The following AGK variants were observed in gnomAD, a reference collection of about 807,000 sequenced individuals.
AGK encodes acylglycerol kinase, mitochondrial.
In AGK, 52 loss-of-function variants were observed where a neutral mutation model predicts 66.4. The ratio of observed to expected loss-of-function variants is 0.78; its 90% CI spans 0.63 to 0.99. The LOEUF (loss-of-function observed/expected upper bound fraction) is 0.99, where lower values mean the gene tolerates loss of function less well. AGK is among the 50% of genes least tolerant of loss of function. AGK has a pLI of 0.00. For synonymous variants in AGK, 182 were observed against 181.1 expected, an observed-to-expected ratio of 1.00 and a Z score of -0.04; for missense variants, 451 against 506.6, an observed-to-expected ratio of 0.89 and a Z score of 1.05.
At chr7:141,615,631 G>C in intron 8 of AGK, 66 bp downstream of exon 8, 2 of 1,247,542 alleles carry the variant, frequency 1.6e-6, no homozygotes, top group Non-Finnish European at 2.4e-6. Flanking sequence ...AAATTTATGT[G>C]TATGCTATAA....
At chr7:141,575,101 A>T (rs778047133) in intron 2 of AGK, among the ~76,000 whole-genome samples, 9 of 152,238 alleles carry the variant, frequency 5.9e-5, no homozygotes, top group Non-Finnish European at 1.0e-4. Context: ...ATAGTGATAA[A>T]TCATAAATTG....
chr7:141,618,328 G>A (rs1796750351), intron 8 of AGK, among the ~76,000 whole-genome samples: 1 of 152,128 alleles, frequency 6.6e-6, no homozygotes. Context: ...TGACATGCTG[G>A]CTCTGTCCTC....
intron 13 of AGK, among the ~76,000 whole-genome samples, chr7:141,643,675 A>G (rs889180362): frequency 3.3e-5 from 5 of 152,170 alleles, no homozygotes; most frequent in Admixed American, 3.3e-4. Flanking sequence ...AATAGCTTAT[A>G]TTTGCTGATT....
At position 141,615,457 on chromosome 7, in the gene AGK, CT is replaced by C. The variant is rs1237870260; in HGVS notation, c.424-11del. 1.9e-6 allele frequency: 3 copies of C among 1,609,138 alleles called. No individual in the cohort carries two copies. Among genetic ancestry groups the C allele is most frequent in the Admixed American group, 1.7e-5 (1 of 59,922 alleles). On this transcript the variant is annotated splice_polypyrimidine_tract_variant and intron_variant, in intron 7 of 15. Transcript: ENST00000649286. ...ATCATAACAATAAAACTTTCCTCTT[CT>C]TTCCCCCCCCAGGCTACCTTCAGTA...
intron 5 of AGK, among the ~76,000 whole-genome samples, chr7:141,601,484 T>C (rs1796339642): frequency 6.6e-6 from 1 of 152,220 alleles, no homozygotes; most frequent in African/African-American, 2.4e-5. Context: ...GATGGAGGCT[T>C]GGAGAACTTG....
At chr7:141,597,301 C>T (rs1796247479) in intron 4 of AGK, 1 of 152,228 alleles carries the variant, frequency 6.6e-6, no homozygotes, top group East Asian at 1.9e-4. Context: ...ATGAACCACA[C>T]TAAAACGTGG....
intron 14 of AGK, among the ~76,000 whole-genome samples, chr7:141,650,054 T>G (rs73518077): frequency 6.6e-6 from 1 of 152,368 alleles, no homozygotes; most frequent in African/African-American, 2.4e-5. Flanking sequence ...ACTGGTAATC[T>G]GCTCAGCTCC....
At chr7:141,597,518 A>C (rs193302710) in intron 4 of AGK, among the ~76,000 whole-genome samples, 3 of 152,282 alleles carry the variant, frequency 2.0e-5, no homozygotes, top group East Asian at 1.9e-4. Context: ...GAGTGTTAAA[A>C]AGTGATATCT....
At chr7:141,554,339 A>T (rs1162305702) in intron 1 of AGK, among the ~76,000 whole-genome samples, 1 of 125,822 alleles carries the variant, frequency 7.9e-6, no homozygotes, top group Non-Finnish European at 1.6e-5. Flanking sequence ...GACCCTGTCT[A>T]AAAAAAAAAA....
At chr7:141,589,649 C>T (rs1190881196) in intron 2 of AGK, among the ~76,000 whole-genome samples, 1 of 152,106 alleles carries the variant, frequency 6.6e-6, no homozygotes, top group Admixed American at 6.5e-5. Flanking sequence ...CAACCTCCGC[C>T]TCCTGGCTTC....
chr7:141,574,758 G>A (rs71545329), intron 2 of AGK, among the ~76,000 whole-genome samples: 5,141 of 152,316 alleles, frequency 0.034, 136 homozygotes, highest in South Asian at 0.14. Flanking sequence ...GTATTCACAA[G>A]TAGTAGCTTG....
rs1296613171 is a variant in AGK, at chr7:141,555,454, AAATCTCTAG to A, written c.-10_-2del. ...CTCTTTCCGCCTCTACTAACCTAGC[AAATCTCTAG>A]AAGATGACGGTGTTCTTTAAAACGC... On this transcript the variant is annotated splice_region_variant and 5_prime_UTR_variant, in exon 2 of 16. Transcript: ENST00000649286. This position sits in a 1 kb window ranked among gnomAD's most constrained non-coding sequence, Gnocchi z 4.2. The A allele has an allele frequency of 6.2e-7, 1 of 1,608,480 alleles. No homozygotes were observed. Among genetic ancestry groups the A allele is most frequent in the East Asian group, 2.2e-5 (1 of 44,834 alleles).
chr7:141,640,602 G>A (rs1319696448), intron 11 of AGK, among the ~76,000 whole-genome samples: 1 of 152,202 alleles, frequency 6.6e-6, no homozygotes, highest in African/African-American at 2.4e-5. Context: ...GGTGACATTA[G>A]GGGCCAGGAT....
At position 141,652,990 on chromosome 7, in the gene AGK, G is replaced by A. The variant is rs1797602493; in HGVS notation, c.*66G>A. ...CCGGTGGGACCAAAAGGGAACAGGT[G>A]CCTCAGCCATCCCAACAGTGTCGTC... On this transcript the variant is annotated 3_prime_UTR_variant, in exon 16 of 16. Coordinates refer to ENST00000649286, the MANE Select transcript of AGK (RefSeq NM_018238.4). The A allele has an allele frequency of 6.3e-7, 1 of 1,592,674 alleles. No individual in the cohort carries two copies. Among genetic ancestry groups the A allele is most frequent in the Admixed American group, 1.7e-5 (1 of 59,192 alleles).
intron 10 of AGK, 122 bp from the exon 11 acceptor site, chr7:141,636,838 C>A: frequency 1.4e-6 from 1 of 717,792 alleles, no homozygotes; most frequent in Non-Finnish European, 2.3e-6. Flanking sequence ...AACCTCCTAG[C>A]TACCAGAATA....
intron 13 of AGK, among the ~76,000 whole-genome samples, chr7:141,642,148 A>T (rs1028092287): frequency 6.6e-6 from 1 of 152,220 alleles, no homozygotes; most frequent in Non-Finnish European, 1.5e-5. Context: ...TCATTGCTTA[A>T]TTGGCATTCA....
intron 3 of AGK, 151 bp from the exon 4 acceptor site, chr7:141,596,411 T>C (rs1230248310): frequency 1.3e-5 from 8 of 620,014 alleles, no homozygotes; most frequent in Non-Finnish European, 1.7e-5. Context: ...TTGATGGTGT[T>C]TTCGTTAATA....
At chr7:141,610,741 T>G (rs1562972265) in intron 5 of AGK, among the ~76,000 whole-genome samples, 1 of 152,174 alleles carries the variant, frequency 6.6e-6, no homozygotes, top group Non-Finnish European at 1.5e-5. Context: ...TTAAGATCCA[T>G]AGAATTTAAG....
chr7:141,636,926 T>G (rs1474801794), intron 10 of AGK, 34 bp from the exon 11 acceptor site: 1 of 1,567,168 alleles, frequency 6.4e-7, no homozygotes, highest in South Asian at 1.1e-5. Context: ...TCTTTTGATA[T>G]TCTTATCAGA....
Sources: gnomAD v4.1 joint callset for allele counts (sites outside exome capture counted in the v4.1 genomes callset) on GRCh38, gnomAD v4.1.1 for gene constraint, Gnocchi (gnomAD v3.1) non-coding constraint, MANE v1.5 for transcripts, NCBI Gene and HGNC (gene_info 2026-07-23, HGNC 2026-07-21) for gene names.